Variants in SCAMP1 observed in about 807,000 individuals in gnomAD.
SCAMP1 encodes secretory carrier-associated membrane protein 1.
Under a neutral mutation model 41.8 loss-of-function variants are expected in SCAMP1, and 15 were observed. The ratio of observed to expected loss-of-function variants is 0.36; its 90% CI spans 0.24 to 0.55. The LOEUF (loss-of-function observed/expected upper bound fraction) is 0.55, where lower values mean the gene tolerates loss of function less well. SCAMP1 is among the 20% of genes least tolerant of loss of function. The pLI is 0.86. For missense variants in SCAMP1, 341 were observed against 412.6 expected, an observed-to-expected ratio of 0.83 and a Z score of 1.50; for synonymous variants, 135 against 136.8, an observed-to-expected ratio of 0.99 and a Z score of 0.09.
At chr5:78,445,562 C>T (rs1252597937) in intron 6 of SCAMP1, among the ~76,000 whole-genome samples, 1 of 151,988 alleles carries the variant, frequency 6.6e-6, no homozygotes, top group Non-Finnish European at 1.5e-5. Flanking sequence ...TTTAAACAGT[C>T]TGCTTTCTGG....
chr5:78,463,544 A>G (rs1425073202), intron 8 of SCAMP1, among the ~76,000 whole-genome samples: 1 of 152,226 alleles, frequency 6.6e-6, no homozygotes, highest in Non-Finnish European at 1.5e-5. Context: ...TTCTCACAGT[A>G]ATGCCTCATA....
chr5:78,379,022 C>T (rs1472634622), intron 1 of SCAMP1, among the ~76,000 whole-genome samples: 2 of 152,114 alleles, frequency 1.3e-5, no homozygotes, highest in African/African-American at 2.4e-5. Flanking sequence ...ACCAAATTAT[C>T]AGTTGAAATA....
At chr5:78,404,115 CAAAA>C (rs34209617) in intron 2 of SCAMP1, among the ~76,000 whole-genome samples, 44 of 124,536 alleles carry the variant, frequency 3.5e-4, no homozygotes, top group Non-Finnish European at 3.2e-4. Flanking sequence ...GACCCTGTCT[CAAAA>C]AAAAAAAAAA....
chr5:78,370,668 G>A (rs1750921358), intron 1 of SCAMP1: 1 of 152,120 alleles, frequency 6.6e-6, no homozygotes, highest in Non-Finnish European at 1.5e-5. Flanking sequence ...TTGATCACCT[G>A]TTTTAAATTC....
chr5:78,378,741 CA>C (rs1751127596), intron 1 of SCAMP1, among the ~76,000 whole-genome samples: 2 of 152,218 alleles, frequency 1.3e-5, no homozygotes, highest in East Asian at 3.8e-4. Flanking sequence ...GTCAGATCCA[CA>C]TGATATTTAA....
At chr5:78,438,559 T>G (rs528275347) in intron 6 of SCAMP1, among the ~76,000 whole-genome samples, 1 of 152,228 alleles carries the variant, frequency 6.6e-6, no homozygotes. Flanking sequence ...TCCAGTTTGA[T>G]TGCATTGTGG....
intron 6 of SCAMP1, among the ~76,000 whole-genome samples, chr5:78,448,995 C>T (rs866361770): frequency 2.5e-5 from 3 of 120,840 alleles, no homozygotes; most frequent in South Asian, 2.4e-4. Flanking sequence ...AGCAAAACTC[C>T]GTCTCAAAAA....
Position 78,416,656 on chromosome 5 carries a change from T to G in SCAMP1, c.343+7T>G. On this transcript the variant is annotated splice_region_variant and intron_variant, in intron 4 of 8. Coordinates refer to ENST00000621999, the MANE Select transcript of SCAMP1 (RefSeq NM_004866.6). ...CAAAACCTCAGTCAACATGGTAGTA[T>G]CCAAAGAAATTTGAAATAAAAATAA... 1.3e-6 allele frequency: 2 copies of G among 1,555,572 alleles called. No homozygotes were observed. Among genetic ancestry groups the G allele is most frequent in the Non-Finnish European group, 1.7e-6 (2 of 1,148,472 alleles).
rs180727709 is a variant in SCAMP1, at chr5:78,417,093, C to T, written c.343+444C>T. Among the ~76,000 whole-genome samples, 78 of 152,266 alleles carry T rather than the reference C, an allele frequency of 5.1e-4. No homozygotes were observed. The East Asian group carries it at 0.012, about 24-fold the overall frequency. ...AAATCATGTTAGAAAAATTGGAAGCCTAAGGTATTCATATGATGCCAAAGA... is the reference window on the plus strand; with the variant it reads ...AAATCATGTTAGAAAAATTGGAAGCTTAAGGTATTCATATGATGCCAAAGA... On this transcript the variant is annotated intron_variant, in intron 4 of 8. Transcript: ENST00000621999.
intron 1 of SCAMP1, among the ~76,000 whole-genome samples, chr5:78,386,600 G>C (rs1430682102): frequency 6.6e-6 from 1 of 151,508 alleles, no homozygotes; most frequent in Non-Finnish European, 1.5e-5. Flanking sequence ...AGTGTATTTT[G>C]AGGATTTGTT....
intron 1 of SCAMP1, among the ~76,000 whole-genome samples, chr5:78,379,778 T>C (rs1056549969): frequency 6.6e-6 from 1 of 152,234 alleles, no homozygotes; most frequent in Admixed American, 6.5e-5. Context: ...AGAGTTGGAC[T>C]CGTACTTCTG....
intron 8 of SCAMP1, among the ~76,000 whole-genome samples, chr5:78,462,926 T>G (rs932549677): frequency 1.3e-5 from 2 of 152,252 alleles, no homozygotes; most frequent in Non-Finnish European, 2.9e-5. Context: ...GGTCTCACTT[T>G]AAAGAAAATA....
At chr5:78,390,171 C>G (rs1228357209) in intron 2 of SCAMP1, among the ~76,000 whole-genome samples, 1 of 151,942 alleles carries the variant, frequency 6.6e-6, no homozygotes, top group Non-Finnish European at 1.5e-5. Flanking sequence ...AGATGGTGTC[C>G]AAAGAGTTGG....
At chr5:78,398,097 G>T (rs1264119536) in intron 2 of SCAMP1, among the ~76,000 whole-genome samples, 1 of 152,002 alleles carries the variant, frequency 6.6e-6, no homozygotes, top group African/African-American at 2.4e-5. Context: ...TCCACTCTTG[G>T]GTACATACCC....
chr5:78,442,159 G>T lies in SCAMP1; in HGVS notation c.633-7774G>T, dbSNP rs529112245. On this transcript the variant is annotated intron_variant, in intron 6 of 8. Transcript: ENST00000621999. The stretch of plus-strand genomic sequence containing the variant: ...AAGAAGGAAAAAAGCATGATAAATA[G>T]TTTCATGATGTGGTATTCTAGATGT... Among the ~76,000 whole-genome samples the T allele has an allele frequency of 2.6e-5, 4 of 152,240 alleles. No individual in the cohort carries two copies. In the South Asian group the frequency reaches 8.3e-4, roughly 32 times the overall value.
intron 8 of SCAMP1, among the ~76,000 whole-genome samples, chr5:78,459,885 C>G (rs566949303): frequency 1.3e-5 from 2 of 151,918 alleles, no homozygotes; most frequent in Non-Finnish European, 2.9e-5. Context: ...ACATAGTACC[C>G]GATAGTTTTT....
chr5:78,443,316 T>A (rs1752974194), intron 6 of SCAMP1, among the ~76,000 whole-genome samples: 1 of 151,790 alleles, frequency 6.6e-6, no homozygotes, highest in Non-Finnish European at 1.5e-5. Context: ...TTGACCTCTC[T>A]AAATCTGTTT....
At chr5:78,449,013 G>T (rs1316915996) in intron 6 of SCAMP1, among the ~76,000 whole-genome samples, 1 of 136,740 alleles carries the variant, frequency 7.3e-6, no homozygotes, top group African/African-American at 2.7e-5. Flanking sequence ...AAAAAAAAAA[G>T]AAAATGTAAA....
intron 2 of SCAMP1, among the ~76,000 whole-genome samples, chr5:78,396,370 C>G (rs967844669): frequency 4.6e-5 from 7 of 152,172 alleles, no homozygotes; most frequent in African/African-American, 1.7e-4. Context: ...TGGAAAATCT[C>G]TGTACCTTCC....
Sources: allele counts gnomAD v4.1 joint callset (sites outside exome capture counted in the v4.1 genomes callset), GRCh38; gene constraint gnomAD v4.1.1; transcripts MANE v1.5; gene names NCBI Gene and HGNC (gene_info 2026-07-23, HGNC 2026-07-21).